Variants in FBXL17 observed in about 807,000 individuals in gnomAD.
FBXL17 encodes the protein F-box/LRR-repeat protein 17.
Under a neutral mutation model 66.2 loss-of-function variants are expected in FBXL17, and 22 were observed. The ratio of observed to expected loss-of-function variants is 0.33; its 90% CI spans 0.24 to 0.47. FBXL17 has a LOEUF of 0.47. Among genes scored for constraint, FBXL17 ranks in the 20% least tolerant of loss-of-function variants. FBXL17 has a pLI of 1.00. For synonymous variants in FBXL17, 474 were observed against 400.5 expected, an observed-to-expected ratio of 1.18 and a Z score of -2.19; for missense variants, 878 against 948.2, an observed-to-expected ratio of 0.93 and a Z score of 0.97.
chr5:107,946,255 T>A (rs1441878931), intron 7 of FBXL17, among the ~76,000 whole-genome samples: 38 of 40,394 alleles, frequency 9.4e-4, no homozygotes, highest in African/African-American at 4.0e-3. Context: ...CAATCTCATT[T>A]TATATATATA....
intron 4 of FBXL17, among the ~76,000 whole-genome samples, chr5:108,326,189 G>T (rs1292657700): frequency 6.6e-6 from 1 of 151,966 alleles, no homozygotes; most frequent in Non-Finnish European, 1.5e-5. Context: ...AAAACGAAAA[G>T]ATACACACGT....
intron 6 of FBXL17, among the ~76,000 whole-genome samples, chr5:108,048,310 C>T (rs1342479399): frequency 2.0e-5 from 3 of 152,162 alleles, no homozygotes; most frequent in Non-Finnish European, 2.9e-5. Flanking sequence ...CAAGGGTCAG[C>T]AGTCTCAAAG....
At chr5:108,331,667 TAA>T (rs1372229571) in intron 4 of FBXL17, among the ~76,000 whole-genome samples, 4 of 152,110 alleles carry the variant, frequency 2.6e-5, no homozygotes, top group African/African-American at 4.8e-5. Flanking sequence ...AAGTAAAACA[TAA>T]AAGTCATTTG....
At chr5:108,167,876 AG>A (rs978689644) in intron 6 of FBXL17, among the ~76,000 whole-genome samples, 1 of 152,214 alleles carries the variant, frequency 6.6e-6, no homozygotes, top group Admixed American at 6.5e-5. Flanking sequence ...CACAACTTAA[AG>A]GGGGAAAAAA....
At chr5:108,132,153 T>G (rs1405754884) in intron 6 of FBXL17, among the ~76,000 whole-genome samples, 1 of 152,136 alleles carries the variant, frequency 6.6e-6, no homozygotes, top group Non-Finnish European at 1.5e-5. Flanking sequence ...ATTTTGTATT[T>G]TTAGTAGAGA....
chr5:108,212,834 T>C (rs917561135), intron 5 of FBXL17, among the ~76,000 whole-genome samples: 2 of 152,178 alleles, frequency 1.3e-5, no homozygotes, highest in Non-Finnish European at 2.9e-5. Flanking sequence ...TAGCAGAGGT[T>C]GAATGCTGTG....
At chr5:108,173,052 C>T (rs916545606) in intron 6 of FBXL17, among the ~76,000 whole-genome samples, 5 of 152,096 alleles carry the variant, frequency 3.3e-5, no homozygotes, top group African/African-American at 9.7e-5. Flanking sequence ...CTACCTGCCT[C>T]GGCCTCCCAA....
At chr5:107,901,301 A>T (rs1414997397) in intron 7 of FBXL17, among the ~76,000 whole-genome samples, 3 of 152,196 alleles carry the variant, frequency 2.0e-5, no homozygotes, top group African/African-American at 7.2e-5. Flanking sequence ...TTAAATACGG[A>T]CAATTTCAAA....
At chr5:108,037,901 T>A (rs1373545405) in intron 6 of FBXL17, among the ~76,000 whole-genome samples, 1 of 152,154 alleles carries the variant, frequency 6.6e-6, no homozygotes, top group African/African-American at 2.4e-5. Flanking sequence ...CTATGTAGTA[T>A]CTTGCCCCAA....
At chr5:108,082,418 G>A (rs575515157) in intron 6 of FBXL17, among the ~76,000 whole-genome samples, 2 of 152,232 alleles carry the variant, frequency 1.3e-5, no homozygotes, top group African/African-American at 4.8e-5. Context: ...ATCAATAAGT[G>A]CTTAGAATAA....
chr5:108,288,196 G>A (rs1346193498), intron 4 of FBXL17, among the ~76,000 whole-genome samples: 2 of 151,526 alleles, frequency 1.3e-5, no homozygotes, highest in African/African-American at 4.8e-5. Flanking sequence ...AAAATATTCT[G>A]TACAGCAAAC....
chr5:107,897,390 G>A (rs1449502286), intron 7 of FBXL17, among the ~76,000 whole-genome samples: 3 of 152,118 alleles, frequency 2.0e-5, no homozygotes, highest in Admixed American at 6.5e-5. Flanking sequence ...AGCCTTGAAA[G>A]GAAAAGATGA....
At chr5:108,329,818 T>C (rs1760034711) in intron 4 of FBXL17, among the ~76,000 whole-genome samples, 1 of 152,096 alleles carries the variant, frequency 6.6e-6, no homozygotes, top group South Asian at 2.1e-4. Flanking sequence ...TAAAACACAG[T>C]ATACAATATA....
intron 4 of FBXL17, among the ~76,000 whole-genome samples, chr5:108,295,234 A>T (rs1299425782): frequency 6.6e-6 from 1 of 151,906 alleles, no homozygotes; most frequent in African/African-American, 2.4e-5. Context: ...TTTTACTACA[A>T]GAAAAAATAT....
chr5:108,066,935 TA>T (rs1748138016), intron 6 of FBXL17, among the ~76,000 whole-genome samples: 1 of 152,010 alleles, frequency 6.6e-6, no homozygotes, highest in African/African-American at 2.4e-5. Flanking sequence ...CATTTAGATG[TA>T]AAAGCTAAAT....
intron 6 of FBXL17, among the ~76,000 whole-genome samples, chr5:108,114,963 G>A (rs532726673): frequency 1.3e-5 from 2 of 152,098 alleles, no homozygotes; most frequent in African/African-American, 4.8e-5. Context: ...CAGAAATGTA[G>A]TCCAAAAAAT....
chr5:108,247,950 T>C (rs1756178744), intron 4 of FBXL17, among the ~76,000 whole-genome samples: 2 of 152,202 alleles, frequency 1.3e-5, no homozygotes. Context: ...TCTGACTCTT[T>C]GGCTAGAAAG....
At chr5:108,013,456 G>C (rs1441805140) in intron 7 of FBXL17, among the ~76,000 whole-genome samples, 1 of 152,098 alleles carries the variant, frequency 6.6e-6, no homozygotes, top group African/African-American at 2.4e-5. Flanking sequence ...CCTTTCCAAG[G>C]GTTGTTCTAC....
chr5:108,352,031 A>G (rs978845057), intron 3 of FBXL17, among the ~76,000 whole-genome samples: 1 of 152,266 alleles, frequency 6.6e-6, no homozygotes, highest in African/African-American at 2.4e-5. Flanking sequence ...CCACGTGGAT[A>G]ACCACACAAA....
Sources: allele counts gnomAD v4.1 joint callset (sites outside exome capture counted in the v4.1 genomes callset), GRCh38; gene constraint gnomAD v4.1.1; transcripts MANE v1.5; gene names NCBI Gene and HGNC (gene_info 2026-07-23, HGNC 2026-07-21).